Variants in ASB4 observed in about 807,000 individuals in gnomAD.
The protein encoded by ASB4 is ankyrin repeat and SOCS box containing 4, also known as ankyrin repeat and SOCS box protein 4.
A neutral mutation model predicts 38.6 loss-of-function variants in ASB4; 35 were observed. That is an observed-to-expected ratio of 0.91 (90% CI 0.69 to 1.20). The LOEUF is 1.20. ASB4 is among the 50% of genes most tolerant of loss of function. The pLI is 0.00. For missense variants in ASB4, 557 were observed against 527.2 expected (o/e 1.06, Z -0.55); for synonymous variants, 195 against 201.3 (o/e 0.97, Z 0.26).
chr7:95,547,934 A>C, the ASB4 span, among the ~76,000 whole-genome samples: 8 of 152,206 alleles, frequency 5.3e-5, no homozygotes, highest in Non-Finnish European at 4.4e-5. Context: ...ATCTGAGCCA[A>C]TCTCTTAACA....
intron 2 of ASB4, among the ~76,000 whole-genome samples, 163 bp from the exon 3 acceptor site, chr7:95,527,650 A>C (rs1790756818): frequency 6.6e-6 from 1 of 152,188 alleles, no homozygotes; most frequent in African/African-American, 2.4e-5. Context: ...GGCTTCCACG[A>C]GGCCCAGGAA....
intron 3 of ASB4, chr7:95,528,763 A>G (rs1326915197): frequency 3.3e-6 from 3 of 903,984 alleles, no homozygotes; most frequent in Non-Finnish European, 4.0e-6. Flanking sequence ...CTAAAATTAT[A>G]TTTATTATGT....
rs1227234730 is a variant in ASB4 at position 95,515,229 on chromosome 7, CTT to C, written c.488-12580_488-12579del. Among the ~76,000 whole-genome samples, 603 of 82,654 alleles carry C rather than the reference CTT, an allele frequency of 7.3e-3. 6 individuals carry two copies. The highest frequency in any genetic ancestry group is 0.024 in the African/African-American group (439 of 18,098). The allele number at this position is 82,654 out of a possible 152,430, so 54.2% of individuals were successfully genotyped here. A position where few individuals can be genotyped will look rare whatever the true frequency, so the allele number is the denominator to read the frequency against. ...TCTTTCTTTCTTTCTTTCTTTCTTT[CTT>C]TTTCTTTCTTTCTTTCTTTCCTTCT... On this transcript the variant is annotated intron_variant, in intron 2 of 4. Coordinates refer to ENST00000325885, the MANE Select transcript of ASB4 (RefSeq NM_016116.3).
intron 2 of ASB4, among the ~76,000 whole-genome samples, chr7:95,519,496 A>G (rs1482229049): frequency 6.6e-6 from 1 of 152,228 alleles, no homozygotes; most frequent in Non-Finnish European, 1.5e-5. Flanking sequence ...CTTTATCTGC[A>G]CAGAAGCCTA....
At chr7:95,482,323 T>G (rs80073684), upstream of ASB4, among the ~76,000 whole-genome samples, 2,277 of 152,308 alleles carry the variant, frequency 0.015, 58 homozygotes, top group African/African-American at 0.052. Flanking sequence ...TGGGAAAAAT[T>G]ATAGCCATCT....
intron 2 of ASB4, among the ~76,000 whole-genome samples, chr7:95,511,955 T>C (rs981012472): frequency 6.6e-6 from 1 of 152,134 alleles, no homozygotes; most frequent in African/African-American, 2.4e-5. Context: ...TTGGGTGACT[T>C]TGCTGTTTTT....
At chr7:95,491,247 T>C (rs767654732) in intron 1 of ASB4, among the ~76,000 whole-genome samples, 2 of 152,222 alleles carry the variant, frequency 1.3e-5, no homozygotes, top group African/African-American at 4.8e-5. Context: ...AAATAATCTC[T>C]ATTTTTCTTT....
chr7:95,527,107 A>G (rs1790747298), intron 2 of ASB4, among the ~76,000 whole-genome samples: 1 of 152,162 alleles, frequency 6.6e-6, no homozygotes, highest in South Asian at 2.1e-4. Flanking sequence ...GAATATTTCT[A>G]CTATACCAGC....
chr7:95,503,505 T>C (rs1037061919), intron 2 of ASB4, among the ~76,000 whole-genome samples: 11 of 152,202 alleles, frequency 7.2e-5, no homozygotes, highest in Non-Finnish European at 2.9e-5. Context: ...CACTGCCACC[T>C]AATAAATGAA....
chr7:95,540,761 C>A (rs992998048), downstream of ASB4, among the ~76,000 whole-genome samples: 1 of 152,196 alleles, frequency 6.6e-6, no homozygotes, highest in African/African-American at 2.4e-5. Context: ...ACTAGACACA[C>A]TTGTGTTCTA....
chr7:95,542,322 A>C (rs891975828), downstream of ASB4: 5 of 152,236 alleles, frequency 3.3e-5, no homozygotes, highest in African/African-American at 1.2e-4. Flanking sequence ...TTCAAAACCT[A>C]CATTTCAGTG....
chr7:95,548,906 T>A, the ASB4 span, among the ~76,000 whole-genome samples: 1 of 152,214 alleles, frequency 6.6e-6, no homozygotes. Flanking sequence ...TTATTTTTAT[T>A]TTATGGACGA....
At chr7:95,521,042 T>C (rs1370198565) in intron 2 of ASB4, among the ~76,000 whole-genome samples, 3 of 152,172 alleles carry the variant, frequency 2.0e-5, no homozygotes, top group African/African-American at 2.4e-5. Flanking sequence ...TTGCATTGAA[T>C]TTATAGATTA....
intron 3 of ASB4, among the ~76,000 whole-genome samples, chr7:95,530,193 G>T (rs150597440): frequency 7.2e-5 from 11 of 151,966 alleles, no homozygotes; most frequent in Non-Finnish European, 1.5e-4. Context: ...GGGTGCAGTG[G>T]CTCACCCCTG....
rs1341872897 is a variant in ASB4, at chr7:95,528,244, T to C, written c.919T>C (p.Cys307Arg). The C allele has an allele frequency of 1.9e-6, 3 of 1,614,174 alleles. No homozygotes were observed. The highest frequency in any genetic ancestry group is 1.3e-5 in the African/African-American group (1 of 75,052). ...SVRPAAQPEI[C>R]YQLLLNHGAA... is the part of the protein sequence containing the mutation. ...GCGCCCTGCTGCCCAGCCTGAGATCTGCTACCAGCTCCTGTTGAACCATGG... is the reference window on the plus strand; with the variant it reads ...GCGCCCTGCTGCCCAGCCTGAGATCCGCTACCAGCTCCTGTTGAACCATGG... Residue 307 changes from cysteine to arginine, a missense_variant, in exon 3 of 5, where the codon TGC becomes CGC. By Grantham distance (180) the Cys-to-Arg change is radical (BLOSUM62 -3). Transcript: ENST00000325885.
chr7:95,500,039 A>G (rs193047817), intron 2 of ASB4, among the ~76,000 whole-genome samples: 40 of 152,078 alleles, frequency 2.6e-4, no homozygotes, highest in African/African-American at 9.6e-4. Context: ...AGCGGGACAA[A>G]GTAAAAGATG....
At chr7:95,482,619 C>T (rs182511759), upstream of ASB4, among the ~76,000 whole-genome samples, 64 of 152,316 alleles carry the variant, frequency 4.2e-4, no homozygotes, top group African/African-American at 1.5e-3. Flanking sequence ...GAAGGACTCA[C>T]GTCATAGGGT....
intron 2 of ASB4, among the ~76,000 whole-genome samples, chr7:95,524,057 T>C (rs1160916151): frequency 6.6e-6 from 1 of 152,216 alleles, no homozygotes; most frequent in Non-Finnish European, 1.5e-5. Context: ...TGTAAGCTGG[T>C]ACAACTGCTT....
At chr7:95,484,399 C>G (rs994263821), upstream of ASB4, among the ~76,000 whole-genome samples, 1 of 152,080 alleles carries the variant, frequency 6.6e-6, no homozygotes, top group African/African-American at 2.4e-5. Flanking sequence ...CTCTTTGAGG[C>G]AGGTGTTTTG....
Sources: allele counts gnomAD v4.1 joint callset (sites outside exome capture counted in the v4.1 genomes callset), GRCh38; gene constraint gnomAD v4.1.1; transcripts MANE v1.5; gene names NCBI Gene and HGNC (gene_info 2026-07-23, HGNC 2026-07-21).